Variants in ELAVL1 observed in about 807,000 individuals in gnomAD.
ELAVL1 encodes ELAV like RNA binding protein 1.
Under a neutral mutation model 28.4 loss-of-function variants are expected in ELAVL1, and 1 was observed. The observed-to-expected ratio is 0.04, with a 90% confidence interval of 0.01 to 0.17. The LOEUF is 0.17. ELAVL1 is among the 10% of genes least tolerant of loss of function. ELAVL1 has a pLI of 1.00. For missense variants in ELAVL1, 157 were observed against 447.2 expected (o/e 0.35, Z 5.85); for synonymous variants, 174 against 183.5 (o/e 0.95, Z 0.42).
Position 7,962,166 on chromosome 19 carries a change from G to A in ELAVL1, c.*1317C>T, listed in dbSNP as rs548917916. The A allele has an allele frequency of 9.1e-5, 14 of 153,804 alleles. No individual in the cohort carries two copies. The highest frequency in any genetic ancestry group is 2.6e-4 in the African/African-American group (11 of 41,540). 9.5% of individuals were successfully genotyped at this position (153,804 alleles called of 1,614,324 possible). On this transcript the variant is annotated 3_prime_UTR_variant, in exon 6 of 6. Transcript: ENST00000407627. ...AGATTCAGAAATGCTTTTGCTTGAGGCAAGGATTGGTTTCTTAAGATCTTA... is the reference window on the plus strand; with the variant it reads ...AGATTCAGAAATGCTTTTGCTTGAGACAAGGATTGGTTTCTTAAGATCTTA...
At chr19:7,991,623 A>G in intron 2 of ELAVL1, 21 bp downstream of exon 2, 1 of 1,601,386 alleles carries the variant, frequency 6.2e-7, no homozygotes, top group African/African-American at 1.3e-5. Context: ...CCGGTTTACT[A>G]AAACGCCTCC....
chr19:7,987,555 C>T (rs779968570), intron 2 of ELAVL1, among the ~76,000 whole-genome samples: 3 of 152,212 alleles, frequency 2.0e-5, no homozygotes, highest in Non-Finnish European at 4.4e-5. Flanking sequence ...GAGAGCAGCA[C>T]ATGGGGCAGT....
intron 2 of ELAVL1, among the ~76,000 whole-genome samples, chr19:7,987,135 A>C (rs1599675245): frequency 6.4e-5 from 6 of 93,186 alleles, no homozygotes; most frequent in East Asian, 3.1e-4. Flanking sequence ...GGGAGGGTGC[A>C]GCAAGTGGGG....
chr19:7,971,137 G>A (rs1568308691), intron 4 of ELAVL1, among the ~76,000 whole-genome samples: 3 of 152,178 alleles, frequency 2.0e-5, no homozygotes. Flanking sequence ...ATACTAAGGT[G>A]CCCCCAACAC....
Position 7,979,505 on chromosome 19 carries a change from C to A in ELAVL1, c.276+1578G>T, listed in dbSNP as rs925561556. ...CAAGCGTTCTGCTCCACACCTCAGC[C>A]TGGCTGCCTCAGAAACAAGAACCTT... On this transcript the variant is annotated intron_variant, in intron 3 of 5. Transcript: ENST00000407627. This position sits in a 1 kb window ranked among gnomAD's most constrained non-coding sequence, Gnocchi z 5.4. Among the ~76,000 whole-genome samples, 1 of 152,272 alleles carries A rather than the reference C, an allele frequency of 6.6e-6. No homozygotes were observed. The highest frequency in any genetic ancestry group is 1.5e-5 in the Non-Finnish European group (1 of 68,048).
rs1744602283 is a variant in ELAVL1 at position 7,979,884 on chromosome 19, A to G, written c.276+1199T>C. Among the ~76,000 whole-genome samples, 1 of 152,120 alleles carries G rather than the reference A, an allele frequency of 6.6e-6. No homozygotes were observed. Reference sequence around the variant, plus strand: ...CCAGCTGTTGGCTGAAGGTGCTGTCACTGTCAGGTCACAGAACCCCTCTTG... The same window carrying G: ...CCAGCTGTTGGCTGAAGGTGCTGTCGCTGTCAGGTCACAGAACCCCTCTTG... On this transcript the variant is annotated intron_variant, in intron 3 of 5. Coordinates refer to ENST00000407627, the MANE Select transcript of ELAVL1 (RefSeq NM_001419.3). This position sits in a 1 kb window ranked among gnomAD's most constrained non-coding sequence, Gnocchi z 5.4.
intron 2 of ELAVL1, among the ~76,000 whole-genome samples, chr19:7,986,947 T>A (rs907471390): frequency 6.6e-6 from 1 of 152,060 alleles, no homozygotes; most frequent in African/African-American, 2.4e-5. Context: ...TTTTTGTTTG[T>A]TTGTTTCTGC....
intron 1 of ELAVL1, among the ~76,000 whole-genome samples, chr19:7,999,351 C>A (rs753635889): frequency 1.3e-5 from 2 of 152,110 alleles, no homozygotes; most frequent in Non-Finnish European, 2.9e-5. Context: ...CCAGCCTGGG[C>A]AACAGAGTGA....
At position 7,960,214 on chromosome 19, in the gene ELAVL1, G is replaced by C. The variant is rs192920526; in HGVS notation, c.*3269C>G. ...CCTGGGCTGCCGGCTCCAAAGGGCC[G>C]GTCTTGGCTCCCAACAGCAGCACGG... On this transcript the variant is annotated 3_prime_UTR_variant, in exon 6 of 6. Transcript: ENST00000407627. 4 of 152,294 alleles carry C rather than the reference G, an allele frequency of 2.6e-5. No individual in the cohort carries two copies. The highest frequency in any genetic ancestry group is 4.1e-4 in the South Asian group (2 of 4,826). The allele number at this position is 152,294 out of a possible 1,614,324, so 9.4% of individuals were successfully genotyped here.
chr19:7,966,610 G>C (rs1302577510), intron 5 of ELAVL1, among the ~76,000 whole-genome samples: 1 of 152,144 alleles, frequency 6.6e-6, no homozygotes, highest in Non-Finnish European at 1.5e-5. Flanking sequence ...CCACAGATAT[G>C]AGACGTTCAT....
intron 4 of ELAVL1, chr19:7,973,151 C>T: frequency 6.5e-6 from 1 of 153,074 alleles, no homozygotes; most frequent in Non-Finnish European, 1.5e-5. Flanking sequence ...GCAAGGCCAG[C>T]ACATTTGGGT....
intron 1 of ELAVL1, among the ~76,000 whole-genome samples, chr19:7,995,562 T>C (rs192168715): frequency 2.6e-5 from 4 of 152,326 alleles, no homozygotes; most frequent in Admixed American, 2.0e-4. Context: ...TGTTTATGTA[T>C]TGTCTGTCTA....
At chr19:7,965,642 T>C (rs1680368084) in intron 5 of ELAVL1, among the ~76,000 whole-genome samples, 1 of 152,184 alleles carries the variant, frequency 6.6e-6, no homozygotes, top group Non-Finnish European at 1.5e-5. Flanking sequence ...GTGGTTGCCC[T>C]GCCACTCACT....
chr19:7,963,848 G>C lies in ELAVL1; in HGVS notation c.657-41C>G. 1 of 1,586,762 alleles carries C rather than the reference G, an allele frequency of 6.3e-7. No individual in the cohort carries two copies. The highest frequency in any genetic ancestry group is 1.3e-5 in the African/African-American group (1 of 74,438). On this transcript the variant is annotated intron_variant, in intron 5 of 5. Coordinates refer to ENST00000407627, the MANE Select transcript of ELAVL1 (RefSeq NM_001419.3). This position sits in a 1 kb window ranked among gnomAD's most constrained non-coding sequence, Gnocchi z 4.5. ...CAAGCGTCAGGCCACGGTCAGCGCA[G>C]GCGGCCTGGGGATGGGGCAAGGCCT...
At position 7,981,038 on chromosome 19, in the gene ELAVL1, G is replaced by A. The variant is rs754300378; in HGVS notation, c.276+45C>T. On this transcript the variant is annotated intron_variant, in intron 3 of 5. Coordinates refer to ENST00000407627, the MANE Select transcript of ELAVL1 (RefSeq NM_001419.3). This position sits in a 1 kb window ranked among gnomAD's most constrained non-coding sequence, Gnocchi z 4.2. ...GCTGGGCGGGGCTCAGCACAGACCT[G>A]TGCCCAGGGCAGGAATGGATGCGGT... The A allele has an allele frequency of 1.3e-6, 2 of 1,594,618 alleles. No individual in the cohort carries two copies. The highest frequency in any genetic ancestry group is 1.7e-5 in the Admixed American group (1 of 59,980).
At position 7,982,901 on chromosome 19, in the gene ELAVL1, C is replaced by T. The variant is rs963797211; in HGVS notation, c.173-1715G>A. 3.9e-5 allele frequency among the ~76,000 whole-genome samples: 6 copies of T among 152,240 alleles called. No individual in the cohort carries two copies. In the East Asian group the frequency reaches 7.7e-4, roughly 20 times the overall value. On this transcript the variant is annotated intron_variant, in intron 2 of 5. Transcript: ENST00000407627. The surrounding 1 kb of genome is among the most constrained non-coding windows in gnomAD (Gnocchi z 4.3). The stretch of plus-strand genomic sequence containing the variant: ...TCTGTCACAGCTGGAGCGCCCTTCT[C>T]GTCACACGATGTCAAGGGCACAGGC...
intron 2 of ELAVL1, among the ~76,000 whole-genome samples, chr19:7,989,426 C>A (rs1244940601): frequency 6.6e-6 from 1 of 152,256 alleles, no homozygotes; most frequent in East Asian, 1.9e-4. Flanking sequence ...TACACTTTTG[C>A]AGCCTTCACT....
At chr19:7,989,069 T>C (rs1446726680) in intron 2 of ELAVL1, among the ~76,000 whole-genome samples, 1 of 152,088 alleles carries the variant, frequency 6.6e-6, no homozygotes, top group Non-Finnish European at 1.5e-5. Flanking sequence ...TGTTGTGAGC[T>C]GAGCTAGGCC....
rs1985381503 is a variant in ELAVL1, at chr19:7,979,042, TA to T, written c.276+2040del. Among the ~76,000 whole-genome samples, 1 of 152,134 alleles carries T rather than the reference TA, an allele frequency of 6.6e-6. No homozygotes were observed. The highest frequency in any genetic ancestry group is 2.1e-4 in the South Asian group (1 of 4,830). Reference sequence around the variant, plus strand: ...AGCACCACACTGGCCAGGGGCTCAGTAAAGGTTTGCGGAATGAACACACTTG... The same window carrying T: ...AGCACCACACTGGCCAGGGGCTCAGTAAGGTTTGCGGAATGAACACACTTG... On this transcript the variant is annotated intron_variant, in intron 3 of 5. Transcript: ENST00000407627. The surrounding 1 kb of genome is among the most constrained non-coding windows in gnomAD (Gnocchi z 5.4).
Sources: gnomAD v4.1 joint callset for allele counts (sites outside exome capture counted in the v4.1 genomes callset) on GRCh38, gnomAD v4.1.1 for gene constraint, Gnocchi (gnomAD v3.1) non-coding constraint, MANE v1.5 for transcripts, NCBI Gene and HGNC (gene_info 2026-07-23, HGNC 2026-07-21) for gene names.